ITPRID1: variants seen among roughly 807,000 people sequenced by gnomAD.
ITPRID1 encodes the protein protein ITPRID1.
Under a neutral mutation model 95.4 loss-of-function variants are expected in ITPRID1, and 96 were observed. The observed-to-expected ratio is 1.01, with a 90% CI of 0.85 to 1.19. The LOEUF (loss-of-function observed/expected upper bound fraction) is 1.19. ITPRID1 is among the 50% of genes most tolerant of loss of function. ITPRID1 has a pLI of 0.00. For missense variants in ITPRID1, 1,339 were observed against 1,252.9 expected (o/e 1.07, Z -1.04); for synonymous variants, 510 against 453.6 (o/e 1.12, Z -1.58).
At chr7:31,558,969 TAGTA>T (rs950081217) in intron 5 of ITPRID1, among the ~76,000 whole-genome samples, 1 of 152,202 alleles carries the variant, frequency 6.6e-6, no homozygotes, top group Non-Finnish European at 1.5e-5. Flanking sequence ...ACAGTTCTAA[TAGTA>T]AGAAAGAAGT....
At chr7:31,547,496 AACTC>A (rs1251881132) in intron 1 of ITPRID1, among the ~76,000 whole-genome samples, 1 of 135,966 alleles carries the variant, frequency 7.4e-6, no homozygotes, top group Admixed American at 7.5e-5. Flanking sequence ...ATCTCATGAG[AACTC>A]ACTCACTATC....
intron 1 of ITPRID1, among the ~76,000 whole-genome samples, chr7:31,536,457 A>G (rs1783761089): frequency 6.6e-6 from 1 of 152,130 alleles, no homozygotes. Context: ...CACCTGGTCT[A>G]TCTCTGGGTC....
chr7:31,612,672 G>A (rs572110353), intron 10 of ITPRID1, among the ~76,000 whole-genome samples: 1 of 152,134 alleles, frequency 6.6e-6, no homozygotes, highest in South Asian at 2.1e-4. Context: ...TTTTCTGAAG[G>A]TCTCTGTGTT....
chr7:31,616,903 T>C (rs1386827678), intron 10 of ITPRID1, among the ~76,000 whole-genome samples: 6 of 152,204 alleles, frequency 3.9e-5, no homozygotes, highest in Non-Finnish European at 8.8e-5. Flanking sequence ...CTTTTTGCCT[T>C]CTTGGTGGTT....
Position 31,549,458 on chromosome 7 carries a change from CAGAAG to C in ITPRID1, c.-59_-55del. ...CAGGATAAGGACAAGAAGCAACACACAGAAGAGAAGGAAAAAGAAAGAAAACTGAC... is the reference window on the plus strand; with the variant it reads ...CAGGATAAGGACAAGAAGCAACACACAGAAGGAAAAAGAAAGAAAACTGAC... On this transcript the variant is annotated 5_prime_UTR_variant, in exon 2 of 15. Coordinates refer to ENST00000615280, the MANE Select transcript of ITPRID1 (RefSeq NM_001257967.3). 6.6e-7 allele frequency: 1 copy of C among 1,518,824 alleles called. No homozygotes were observed. Among genetic ancestry groups the C allele is most frequent in the Non-Finnish European group, 8.8e-7 (1 of 1,139,862 alleles). 94.1% of individuals were successfully genotyped at this position (1,518,824 alleles called of 1,614,324 possible).
chr7:31,635,479 A>G (rs139676438), intron 10 of ITPRID1, among the ~76,000 whole-genome samples: 9 of 152,300 alleles, frequency 5.9e-5, no homozygotes, highest in African/African-American at 1.9e-4. Context: ...TGAGGTTCCC[A>G]ATGTCTGATT....
chr7:31,645,577 C>T (rs984026167), intron 12 of ITPRID1, among the ~76,000 whole-genome samples: 3 of 151,698 alleles, frequency 2.0e-5, no homozygotes, highest in African/African-American at 4.9e-5. Flanking sequence ...ACAGTAGGGT[C>T]GTCATCACCA....
chr7:31,647,490 C>T lies in ITPRID1; in HGVS notation c.2583+3537C>T, dbSNP rs952414270. 1.4e-4 allele frequency among the ~76,000 whole-genome samples: 19 copies of T among 136,200 alleles called. No individual in the cohort carries two copies. In the East Asian group the frequency reaches 2.0e-3, roughly 14 times the overall value. 89.4% of individuals were successfully genotyped at this position (136,200 alleles called of 152,430 possible). Reference sequence around the variant, plus strand: ...CAGCCTGGCCAACATGGCAAAACCCCGTCTCCATTAAAACTACAAAAAAAA... The same window carrying T: ...CAGCCTGGCCAACATGGCAAAACCCTGTCTCCATTAAAACTACAAAAAAAA... On this transcript the variant is annotated intron_variant, in intron 12 of 14. Coordinates refer to ENST00000615280, the MANE Select transcript of ITPRID1 (RefSeq NM_001257967.3).
intron 10 of ITPRID1, among the ~76,000 whole-genome samples, chr7:31,618,844 G>T (rs1025074631): frequency 1.3e-5 from 2 of 152,142 alleles, no homozygotes; most frequent in African/African-American, 2.4e-5. Context: ...GCAAATATAA[G>T]TTGTGATTAT....
At chr7:31,564,357 TA>T (rs1784723965) in intron 5 of ITPRID1, among the ~76,000 whole-genome samples, 1 of 152,142 alleles carries the variant, frequency 6.6e-6, no homozygotes, top group African/African-American at 2.4e-5. Context: ...TTTCTCACTT[TA>T]ATTTTTCTCC....
chr7:31,545,121 G>A (rs1784055749), intron 1 of ITPRID1, among the ~76,000 whole-genome samples: 3 of 152,160 alleles, frequency 2.0e-5, no homozygotes, highest in African/African-American at 7.2e-5. Flanking sequence ...GTAGGTTAGA[G>A]TCAGGGGTGA....
chr7:31,549,187 A>G (rs1381691896), intron 1 of ITPRID1, among the ~76,000 whole-genome samples: 6 of 152,190 alleles, frequency 3.9e-5, no homozygotes, highest in African/African-American at 1.4e-4. Flanking sequence ...CTTAAAATTT[A>G]GTCTATAATT....
chr7:31,651,538 C>T (rs1217621340), intron 13 of ITPRID1, among the ~76,000 whole-genome samples: 1 of 152,004 alleles, frequency 6.6e-6, no homozygotes, highest in Non-Finnish European at 1.5e-5. Context: ...TGGGATGGGG[C>T]TCGTGCAAAT....
At chr7:31,556,061 C>T (rs1043708061) in intron 5 of ITPRID1, among the ~76,000 whole-genome samples, 11 of 152,060 alleles carry the variant, frequency 7.2e-5, no homozygotes, top group African/African-American at 2.2e-4. Context: ...TCTCTTGCCC[C>T]GGTTGTGGTG....
At chr7:31,608,458 C>A (rs1786722585) in intron 10 of ITPRID1, among the ~76,000 whole-genome samples, 2 of 151,800 alleles carry the variant, frequency 1.3e-5, no homozygotes, top group Non-Finnish European at 3.0e-5. Flanking sequence ...GAGACTATTG[C>A]CATCTTAACA....
intron 7 of ITPRID1, among the ~76,000 whole-genome samples, chr7:31,574,026 C>T (rs561631964): frequency 1.3e-5 from 2 of 152,186 alleles, no homozygotes; most frequent in East Asian, 1.9e-4. Context: ...TACCTAGGGA[C>T]TTACAGTCAT....
At chr7:31,522,067 T>C (rs1373619066) in intron 1 of ITPRID1, among the ~76,000 whole-genome samples, 1 of 152,052 alleles carries the variant, frequency 6.6e-6, no homozygotes, top group Non-Finnish European at 1.5e-5. Context: ...TACCCCAAAA[T>C]TAGTGAGCAA....
intron 10 of ITPRID1, among the ~76,000 whole-genome samples, chr7:31,587,191 G>T (rs1785652631): frequency 6.6e-6 from 1 of 152,186 alleles, no homozygotes; most frequent in Admixed American, 6.5e-5. Flanking sequence ...AAAAGAGGAA[G>T]TCACATTGTC....
At chr7:31,549,297 A>G (rs1015533339) in intron 1 of ITPRID1, 129 bp from the exon 2 acceptor site, 3 of 548,314 alleles carry the variant, frequency 5.5e-6, no homozygotes, top group African/African-American at 3.9e-5. Flanking sequence ...TCCCAAAAAC[A>G]TCTACTTCTC....
Sources: gnomAD v4.1 joint callset for allele counts (sites outside exome capture counted in the v4.1 genomes callset) on GRCh38, gnomAD v4.1.1 for gene constraint, MANE v1.5 for transcripts, NCBI Gene and HGNC (gene_info 2026-07-23, HGNC 2026-07-21) for gene names.